The following PCDH9 variants were observed in gnomAD, a reference collection of about 807,000 sequenced individuals.
PCDH9 encodes the protein protocadherin-9.
A neutral mutation model predicts 70.6 loss-of-function variants in PCDH9; 24 were observed. The ratio of observed to expected loss-of-function variants is 0.34; its 90% CI spans 0.25 to 0.48. The LOEUF (loss-of-function observed/expected upper bound fraction) is 0.48, where lower values mean the gene tolerates loss of function less well. Ranked by LOEUF, PCDH9 falls within the 20% of genes least tolerant of loss-of-function variation. The probability of loss-of-function intolerance (pLI) is 0.99; values close to 1 mark genes in which losing one functional copy is unlikely to be tolerated. For missense variants in PCDH9, 1,281 were observed against 1,503.6 expected (o/e 0.85, Z 2.45); for synonymous variants, 562 against 558.5 (o/e 1.01, Z -0.09).
Position 66,933,435 on chromosome 13 carries a change from A to G in PCDH9, c.3037-29830T>C, listed in dbSNP as rs113400498. On this transcript the variant is annotated intron_variant, in intron 2 of 4. Coordinates refer to ENST00000377865, the MANE Select transcript of PCDH9 (RefSeq NM_203487.3). ...TCAACAGTATATATTATCATGTTGT[A>G]GTTGGTATTCTTTCATGATCCAAAA... 5.4e-3 allele frequency among the ~76,000 whole-genome samples: 819 copies of G among 152,296 alleles called. 4 individuals carry two copies. Among genetic ancestry groups the G allele is most frequent in the African/African-American group, 0.018 (768 of 41,564 alleles).
chr13:67,069,105 G>A (rs1288227877), intron 2 of PCDH9, among the ~76,000 whole-genome samples: 1 of 152,096 alleles, frequency 6.6e-6, no homozygotes, highest in Non-Finnish European at 1.5e-5. Context: ...AAAACTACTT[G>A]CCTCACATTT....
intron 3 of PCDH9, among the ~76,000 whole-genome samples, chr13:66,709,236 A>G (rs1222188112): frequency 1.3e-5 from 2 of 152,168 alleles, no homozygotes; most frequent in East Asian, 3.8e-4. Flanking sequence ...TATGAAGGAC[A>G]GTAAGAGACT....
chr13:67,164,752 C>CAA (rs1164262297), intron 2 of PCDH9, among the ~76,000 whole-genome samples: 2 of 152,228 alleles, frequency 1.3e-5, no homozygotes, highest in East Asian at 3.9e-4. Flanking sequence ...AATTGCTCTT[C>CAA]ACAGCTTTGT....
intron 3 of PCDH9, among the ~76,000 whole-genome samples, chr13:66,870,351 T>C (rs1224383054): frequency 1.3e-5 from 2 of 152,108 alleles, no homozygotes; most frequent in Non-Finnish European, 2.9e-5. Context: ...TGAAGTCAGG[T>C]AGCATGATGC....
At chr13:66,736,099 A>G (rs2079144737) in intron 3 of PCDH9, among the ~76,000 whole-genome samples, 1 of 152,204 alleles carries the variant, frequency 6.6e-6, no homozygotes, top group South Asian at 2.1e-4. Flanking sequence ...TTCATTATCT[A>G]TTAATTAAAT....
intron 4 of PCDH9, among the ~76,000 whole-genome samples, chr13:66,621,931 T>C (rs887307113): frequency 2.0e-5 from 3 of 152,192 alleles, no homozygotes; most frequent in African/African-American, 7.2e-5. Flanking sequence ...TCCCTCAGCT[T>C]GCAGGGAGGT....
intron 4 of PCDH9, among the ~76,000 whole-genome samples, chr13:66,460,893 C>T (rs1171419919): frequency 2.6e-5 from 4 of 151,868 alleles, no homozygotes; most frequent in African/African-American, 4.8e-5. Context: ...CCTACCTACA[C>T]GCTGGTTGCT....
At chr13:66,782,768 G>C (rs1319549713) in intron 3 of PCDH9, 1 of 152,030 alleles carries the variant, frequency 6.6e-6, no homozygotes, top group East Asian at 1.9e-4. Context: ...AGTTTATTCA[G>C]AGAGAATATC....
chr13:66,475,468 T>A (rs1958706452), intron 4 of PCDH9, among the ~76,000 whole-genome samples: 1 of 152,120 alleles, frequency 6.6e-6, no homozygotes, highest in Non-Finnish European at 1.5e-5. Flanking sequence ...TTCTCATATG[T>A]AAGAACTTAC....
At chr13:66,628,794 C>A (rs2077531945) in intron 4 of PCDH9, among the ~76,000 whole-genome samples, 1 of 152,162 alleles carries the variant, frequency 6.6e-6, no homozygotes, top group African/African-American at 2.4e-5. Context: ...TATATTGCTG[C>A]TATGATAGTG....
rs192080349 is a variant in PCDH9 at position 67,009,683 on chromosome 13, G to C, written c.3037-106078C>G. Among the ~76,000 whole-genome samples the C allele has an allele frequency of 3.9e-5, 6 of 152,004 alleles. No individual in the cohort carries two copies. The East Asian group carries it at 9.7e-4, about 24-fold the overall frequency. ...GATTCCACCCATCGTTGACTCTCAA[G>C]ACCATTTATTTATTTACTAAACGGA... is the stretch of plus-strand genomic sequence containing the variant. On this transcript the variant is annotated intron_variant, in intron 2 of 4. Transcript: ENST00000377865.
chr13:66,656,997 C>T (rs2077939884), intron 3 of PCDH9, among the ~76,000 whole-genome samples: 1 of 152,062 alleles, frequency 6.6e-6, no homozygotes, highest in African/African-American at 2.4e-5. Context: ...GCAAGAGGAA[C>T]AAGGAAAAGA....
At chr13:66,512,494 G>A (rs1004768024) in intron 4 of PCDH9, among the ~76,000 whole-genome samples, 2 of 152,034 alleles carry the variant, frequency 1.3e-5, no homozygotes, top group African/African-American at 4.8e-5. Flanking sequence ...CTTCAAAGGA[G>A]GGAAATGAAG....
At chr13:66,408,504 A>G (rs956799659) in intron 4 of PCDH9, among the ~76,000 whole-genome samples, 3 of 152,226 alleles carry the variant, frequency 2.0e-5, no homozygotes, top group Non-Finnish European at 4.4e-5. Flanking sequence ...TTTGGCTTAT[A>G]TTCCTTAAAA....
chr13:67,128,731 CA>C (rs1171989291), intron 2 of PCDH9, among the ~76,000 whole-genome samples: 4 of 152,178 alleles, frequency 2.6e-5, no homozygotes, highest in Non-Finnish European at 5.9e-5. Flanking sequence ...GATAGTGTTA[CA>C]TCTATTTCCA....
At chr13:66,991,708 T>C (rs534737126) in intron 2 of PCDH9, among the ~76,000 whole-genome samples, 2 of 151,986 alleles carry the variant, frequency 1.3e-5, no homozygotes, top group Non-Finnish European at 2.9e-5. Flanking sequence ...ACAAACAGAA[T>C]CCGAAACAAA....
chr13:66,348,675 ATTTT>A (rs59340641), intron 4 of PCDH9, among the ~76,000 whole-genome samples: 4 of 136,122 alleles, frequency 2.9e-5, no homozygotes, highest in Admixed American at 7.3e-5. Context: ...GCTATTTGCC[ATTTT>A]TTTTTTTTTT....
At chr13:66,312,610 CAA>C (rs11352387) in intron 4 of PCDH9, among the ~76,000 whole-genome samples, 243 of 137,450 alleles carry the variant, frequency 1.8e-3, no homozygotes, top group Middle Eastern at 4.0e-3. Flanking sequence ...GATCCTGCCT[CAA>C]AAAAAAAAAA....
At chr13:66,832,277 T>G (rs1019497081) in intron 3 of PCDH9, among the ~76,000 whole-genome samples, 6 of 152,148 alleles carry the variant, frequency 3.9e-5, no homozygotes, top group Admixed American at 3.3e-4. Context: ...TTGAATTTAC[T>G]CTATTTAAAT....
Sources: allele counts gnomAD v4.1 joint callset (sites outside exome capture counted in the v4.1 genomes callset), GRCh38; gene constraint gnomAD v4.1.1; transcripts MANE v1.5; gene names NCBI Gene and HGNC (gene_info 2026-07-23, HGNC 2026-07-21).